Variants in PRDM11 observed in about 807,000 individuals in gnomAD.
PRDM11 encodes the protein PR domain-containing protein 11.
Under a neutral mutation model 97.8 loss-of-function variants are expected in PRDM11, and 20 were observed. That is an observed-to-expected ratio of 0.20 (90% confidence interval 0.14 to 0.30). The LOEUF (loss-of-function observed/expected upper bound fraction) is 0.30, where lower values mean the gene tolerates loss of function less well. Ranked by LOEUF, PRDM11 falls within the 10% of genes least tolerant of loss-of-function variation. The pLI is 1.00. For synonymous variants in PRDM11, 599 were observed against 637.7 expected, an observed-to-expected ratio of 0.94 and a Z score of 0.91; for missense variants, 1,139 against 1,555.2, an observed-to-expected ratio of 0.73 and a Z score of 4.50.
At chr11:45,216,845 AC>A (rs1853970065) in intron 5 of PRDM11, among the ~76,000 whole-genome samples, 1 of 152,216 alleles carries the variant, frequency 6.6e-6, no homozygotes, top group Admixed American at 6.5e-5. Flanking sequence ...CTTTTGACAC[AC>A]CCTAGAAGTT....
upstream of PRDM11, among the ~76,000 whole-genome samples, chr11:45,095,020 G>A (rs1851868787): frequency 6.6e-6 from 1 of 152,148 alleles, no homozygotes; most frequent in Admixed American, 6.5e-5. Flanking sequence ...CACCAGCACA[G>A]GCATGGGGGC....
rs767802218 is a variant in PRDM11 at position 45,101,567 on chromosome 11, A to AAAAGAAGAAG, written c.96+5668_96+5669insAGAAGAAGAA. On this transcript the variant is annotated intron_variant, in intron 1 of 6. Transcript: ENST00000530656. ...CAACACTCTGTCTCAAAAAAAAAAA[A>AAAAGAAGAAG]AAGAAGAAGAAGAAGAAGAAGAAGA... Among the ~76,000 whole-genome samples the AAAAGAAGAAG allele has an allele frequency of 1.8e-3, 170 of 96,860 alleles. 14 individuals carry two copies. The highest frequency in any genetic ancestry group is 7.7e-3 in the African/African-American group (158 of 20,550). 63.5% of individuals were successfully genotyped at this position (96,860 alleles called of 152,430 possible).
At chr11:45,206,377 T>C (rs1046831024) in intron 5 of PRDM11, among the ~76,000 whole-genome samples, 1 of 152,178 alleles carries the variant, frequency 6.6e-6, no homozygotes, top group Non-Finnish European at 1.5e-5. Flanking sequence ...CACTGGGTTG[T>C]GGTGTCTAGT....
chr11:45,176,514 G>A (rs528720454), intron 1 of PRDM11, among the ~76,000 whole-genome samples: 3 of 152,132 alleles, frequency 2.0e-5, no homozygotes, highest in Admixed American at 6.5e-5. Context: ...CTATGAGATA[G>A]GTTCTGATAT....
At chr11:45,118,371 G>T (rs1590350076) in intron 1 of PRDM11, among the ~76,000 whole-genome samples, 1 of 152,154 alleles carries the variant, frequency 6.6e-6, no homozygotes, top group Non-Finnish European at 1.5e-5. Context: ...TTGGTTAGGG[G>T]TGCATAGGAA....
rs561561572 is a variant in PRDM11 at position 45,111,718 on chromosome 11, T to C, written c.96+15817T>C. Among the ~76,000 whole-genome samples, 5 of 152,088 alleles carry C rather than the reference T, an allele frequency of 3.3e-5. No individual in the cohort carries two copies. The East Asian group carries it at 9.7e-4, about 29-fold the overall frequency. On this transcript the variant is annotated intron_variant, in intron 1 of 6. Transcript: ENST00000530656. ...CTCCGGGCTCTGTCGATTTGAAAGGTTTTGTTCCCGAGGGAGAAATGCTTC... is the reference window on the plus strand; with the variant it reads ...CTCCGGGCTCTGTCGATTTGAAAGGCTTTGTTCCCGAGGGAGAAATGCTTC...
At position 45,232,700 on chromosome 11, in the gene PRDM11, C is replaced by G. The variant is rs781698122; in HGVS notation, c.*4541C>G. ...CTCAGGAGGACCCAAGAGACTGGCA[C>G]GGCCCTTCTCCTGCTTGGAGGGAAA... On this transcript the variant is annotated 3_prime_UTR_variant, in exon 8 of 8. Coordinates refer to ENST00000683152, the MANE Select transcript of PRDM11 (RefSeq NM_001384648.1). 3.9e-5 allele frequency: 6 copies of G among 152,278 alleles called. No homozygotes were observed. Among genetic ancestry groups the G allele is most frequent in the Non-Finnish European group, 5.9e-5 (4 of 68,102 alleles). The allele number at this position is 152,278 out of a possible 1,614,324, so 9.4% of individuals were successfully genotyped here.
At chr11:45,198,015 T>TATA (rs1223345982) in intron 4 of PRDM11, among the ~76,000 whole-genome samples, 2 of 151,982 alleles carry the variant, frequency 1.3e-5, no homozygotes, top group Non-Finnish European at 2.9e-5. Context: ...GAACTTAAAG[T>TATA]ATAATAATAA....
At chr11:45,172,703 AT>A (rs148960538) in intron 1 of PRDM11, among the ~76,000 whole-genome samples, 1 of 152,326 alleles carries the variant, frequency 6.6e-6, no homozygotes, top group African/African-American at 2.4e-5. Context: ...TTAACATTGT[AT>A]AAGGCATTAT....
At chr11:45,153,992 A>G (rs1403738291) in intron 1 of PRDM11, among the ~76,000 whole-genome samples, 1 of 152,210 alleles carries the variant, frequency 6.6e-6, no homozygotes, top group East Asian at 1.9e-4. Context: ...CCACATTGAT[A>G]AAGGAAGTCT....
intron 5 of PRDM11, among the ~76,000 whole-genome samples, chr11:45,210,626 C>G (rs1272911831): frequency 1.3e-5 from 2 of 152,222 alleles, no homozygotes; most frequent in Non-Finnish European, 2.9e-5. Flanking sequence ...TTCCCGGGCC[C>G]CCTGCCATTG....
intron 6 of PRDM11, among the ~76,000 whole-genome samples, chr11:45,222,976 A>G (rs1330356906): frequency 1.3e-5 from 2 of 152,242 alleles, no homozygotes; most frequent in African/African-American, 4.8e-5. Context: ...ACCAGCAAGC[A>G]TCAGCACTTC....
chr11:45,162,049 C>G (rs1590394121), intron 1 of PRDM11, among the ~76,000 whole-genome samples: 1 of 152,374 alleles, frequency 6.6e-6, no homozygotes, highest in East Asian at 1.9e-4. Flanking sequence ...CTCCTGCCCT[C>G]TGGGCAGTGG....
At chr11:45,180,045 T>G (rs1039040664) in intron 1 of PRDM11, among the ~76,000 whole-genome samples, 1 of 152,230 alleles carries the variant, frequency 6.6e-6, no homozygotes. Context: ...GGTAGAGGAC[T>G]GGACTGAGGA....
intron 1 of PRDM11, among the ~76,000 whole-genome samples, chr11:45,180,684 G>T (rs1230369360): frequency 6.7e-6 from 1 of 150,020 alleles, no homozygotes; most frequent in Non-Finnish European, 1.5e-5. Context: ...GGGGGCGGGC[G>T]CTGGGCAGGG....
chr11:45,214,710 C>G (rs1020522593), intron 5 of PRDM11: 1 of 152,160 alleles, frequency 6.6e-6, no homozygotes, highest in Non-Finnish European at 1.5e-5. Flanking sequence ...GTTAAGATGG[C>G]AATAAAAAGA....
intron 1 of PRDM11, among the ~76,000 whole-genome samples, chr11:45,168,981 G>A (rs2135715402): frequency 6.6e-6 from 1 of 152,286 alleles, no homozygotes; most frequent in African/African-American, 2.4e-5. Flanking sequence ...TGTGGAGCCA[G>A]GTTGGCCTCA....
chr11:45,140,805 T>C (rs1851386437), intron 1 of PRDM11, among the ~76,000 whole-genome samples: 2 of 151,750 alleles, frequency 1.3e-5, no homozygotes, highest in Admixed American at 6.6e-5. Context: ...CCAGTCCCCA[T>C]CCCTTTCTCT....
chr11:45,149,869 GTGCTGACCGA>G (rs1851617284), intron 1 of PRDM11, among the ~76,000 whole-genome samples: 1 of 152,264 alleles, frequency 6.6e-6, no homozygotes, highest in African/African-American at 2.4e-5. Context: ...AACTTAGCCT[GTGCTGACCGA>G]TGCAGGGACT....
Sources: gnomAD v4.1 joint callset for allele counts (sites outside exome capture counted in the v4.1 genomes callset) on GRCh38, gnomAD v4.1.1 for gene constraint, MANE v1.5 for transcripts, NCBI Gene and HGNC (gene_info 2026-07-23, HGNC 2026-07-21) for gene names.